The following STMN1 variants were observed in gnomAD, a reference collection of about 807,000 sequenced individuals.
STMN1 encodes stathmin.
STMN1 carries 3 observed loss-of-function variants against 19.7 expected under a neutral mutation model. The ratio of observed to expected loss-of-function variants is 0.15; its 90% CI spans 0.07 to 0.39. The LOEUF (loss-of-function observed/expected upper bound fraction) is 0.39, where lower values mean the gene tolerates loss of function less well. STMN1 is among the 10% of genes least tolerant of loss of function. STMN1 has a pLI of 1.00. For missense variants in STMN1, 99 were observed against 176.0 expected (o/e 0.56, Z 2.48); for synonymous variants, 59 against 58.9 (o/e 1.00, Z -0.01).
At chr1:25,891,865 G>A (rs2048778931) in intron 4 of STMN1, among the ~76,000 whole-genome samples, 1 of 152,152 alleles carries the variant, frequency 6.6e-6, no homozygotes, top group Non-Finnish European at 1.5e-5. Flanking sequence ...AAGCTGGCAG[G>A]AGGAACACTG....
chr1:25,899,065 T>A (rs1465531852), downstream of STMN1, among the ~76,000 whole-genome samples: 1 of 152,206 alleles, frequency 6.6e-6, no homozygotes, highest in African/African-American at 2.4e-5. Context: ...CCCCTTCAGT[T>A]TCCTGTGACT....
chr1:25,895,607 G>A (rs894330758), downstream of STMN1, among the ~76,000 whole-genome samples: 2 of 152,222 alleles, frequency 1.3e-5, no homozygotes, highest in African/African-American at 2.4e-5. Flanking sequence ...CCCAGAGTCC[G>A]CTGACGGCCG....
chr1:25,901,114 A>G (rs761101481), intron 4 of STMN1, 27 bp from the exon 5 acceptor site: 1 of 1,393,098 alleles, frequency 7.2e-7, no homozygotes, highest in Non-Finnish European at 9.5e-7. Flanking sequence ...AGGTGTCATC[A>G]GTCAAAAAAA....
At chr1:25,894,738 T>A (rs1203880033) in intron 4 of STMN1, among the ~76,000 whole-genome samples, 2 of 152,200 alleles carry the variant, frequency 1.3e-5, no homozygotes, top group Admixed American at 6.5e-5. Context: ...TTTCATTTTT[T>A]AATTATTTAG....
Position 25,903,673 on chromosome 1 carries a change from T to G in STMN1, c.154A>C (p.Lys52Gln). 1 of 1,613,334 alleles carries G rather than the reference T, an allele frequency of 6.2e-7. No homozygotes were observed. The highest frequency in any genetic ancestry group is 1.3e-5 in the African/African-American group (1 of 75,008). ...KKDLSLEEIQ[K>Q]KLEAAEERRK... ...CTTTCTTCTGCAGCTTCTAATTTCT[T>G]CTGAATTTCCTCCAGGGAAAGATCC... Residue 52 changes from lysine (K) to glutamine (Q), a missense_variant, in exon 3 of 5, where the codon AAG becomes CAG. Lys to Gln is a moderately conservative substitution (Grantham distance 53, BLOSUM62 1). Around this residue, in one of 3 missense-constraint regions of STMN1, gnomAD observed 37 missense variants for 57.9 expected, o/e 0.64. Coordinates refer to ENST00000455785, the MANE Select transcript of STMN1 (RefSeq NM_005563.4).
chr1:25,893,346 A>G (rs1385429996), intron 4 of STMN1, among the ~76,000 whole-genome samples: 1 of 152,066 alleles, frequency 6.6e-6, no homozygotes, highest in East Asian at 1.9e-4. Context: ...GCTAAGAGGG[A>G]CTCTGGCTTT....
At chr1:25,903,882 T>G in intron 2 of STMN1, 69 bp from the exon 3 acceptor site, 1 of 1,475,522 alleles carries the variant, frequency 6.8e-7, no homozygotes, top group South Asian at 1.3e-5. Flanking sequence ...TACTATAATT[T>G]TCTAAAACCC....
rs765822709 is a variant in STMN1 at position 25,887,548 on chromosome 1, A to G, written c.379-1679T>C. On this transcript the variant is annotated intron_variant, in intron 4 of 4. Coordinates refer to the STMN1 transcript ENST00000426559. ...CTGGACATCTGGGTGAAGTTTTAAT[A>G]TGGTATAAAAATGTCCTTTATAGTA... The G allele has an allele frequency of 4.6e-5, 13 of 280,208 alleles. No individual in the cohort carries two copies. The South Asian group carries it at 5.7e-4, about 12-fold the overall frequency. The allele number at this position is 280,208 out of a possible 1,614,324, so 17.4% of individuals were successfully genotyped here.
chr1:25,892,597 C>A, intron 4 of STMN1: 1 of 985,396 alleles, frequency 1.0e-6, no homozygotes, highest in Non-Finnish European at 1.2e-6. Context: ...CCAGCTGGAG[C>A]TGAGATTCTT....
chr1:25,890,545 A>G (rs1192473183), intron 4 of STMN1, among the ~76,000 whole-genome samples: 1 of 152,256 alleles, frequency 6.6e-6, no homozygotes, highest in East Asian at 1.9e-4. Flanking sequence ...TGAAAGGGGA[A>G]GAATAAATGT....
chr1:25,894,473 A>G (rs921819952), intron 4 of STMN1, among the ~76,000 whole-genome samples: 7 of 152,186 alleles, frequency 4.6e-5, no homozygotes, highest in Non-Finnish European at 7.3e-5. Flanking sequence ...TGAGCTCAGG[A>G]GTTCGAGACC....
downstream of STMN1, among the ~76,000 whole-genome samples, chr1:25,897,977 C>T (rs1209755305): frequency 2.0e-5 from 3 of 152,194 alleles, no homozygotes; most frequent in African/African-American, 7.2e-5. Flanking sequence ...CCAGCAGGCC[C>T]TCCCACCTCA....
downstream of STMN1, chr1:25,884,249 C>T (rs1338827323): frequency 6.6e-6 from 1 of 152,134 alleles, no homozygotes; most frequent in African/African-American, 2.4e-5. Context: ...ACTTCACTGC[C>T]TGACTTCCTG....
intron 4 of STMN1, among the ~76,000 whole-genome samples, chr1:25,892,826 A>T (rs1227840355): frequency 6.6e-6 from 1 of 152,096 alleles, no homozygotes; most frequent in African/African-American, 2.4e-5. Context: ...AGCCAACACC[A>T]TTCTCTGGGA....
chr1:25,896,133 A>G (rs566834804), downstream of STMN1, among the ~76,000 whole-genome samples: 10 of 152,142 alleles, frequency 6.6e-5, no homozygotes, highest in Non-Finnish European at 1.3e-4. Flanking sequence ...ATGGGGGTTA[A>G]AAGTCTGGGT....
intron 4 of STMN1, among the ~76,000 whole-genome samples, chr1:25,894,156 T>C (rs1311487365): frequency 6.6e-6 from 1 of 152,196 alleles, no homozygotes; most frequent in African/African-American, 2.4e-5. Flanking sequence ...GATGAGGGAA[T>C]GTACTGTGTG....
intron 1 of STMN1, chr1:25,905,372 G>A (rs927568700): frequency 6.6e-6 from 1 of 152,194 alleles, no homozygotes; most frequent in Non-Finnish European, 1.5e-5. Flanking sequence ...ACGCCAGCTA[G>A]TACCAAAAAC....
chr1:25,892,441 A>G, intron 4 of STMN1: 1 of 566,310 alleles, frequency 1.8e-6, no homozygotes. Context: ...AGGAATTAAA[A>G]GGCCTGTATT....
At chr1:25,902,361 T>C (rs1434810531) in intron 3 of STMN1, 1 of 152,194 alleles carries the variant, frequency 6.6e-6, no homozygotes, top group Admixed American at 6.5e-5. Context: ...ACTAGCTCAT[T>C]GTAAAAATTT....
Sources: allele counts gnomAD v4.1 joint callset (sites outside exome capture counted in the v4.1 genomes callset), GRCh38; gene constraint gnomAD v4.1.1; regional missense constraint gnomAD v4.1.1; transcripts MANE v1.5; gene names NCBI Gene and HGNC (gene_info 2026-07-23, HGNC 2026-07-21).